Variants in CELF2 observed in about 807,000 individuals in gnomAD.
CELF2 encodes CUG triplet repeat RNA-binding protein 2.
In CELF2, 8 loss-of-function variants were observed where a neutral mutation model predicts 62.6. The ratio of observed to expected loss-of-function variants is 0.13; its 90% CI spans 0.07 to 0.23. The LOEUF is 0.23. CELF2 is among the 10% of genes least tolerant of loss of function. The pLI is 1.00. For synonymous variants in CELF2, 258 were observed against 250.0 expected (o/e 1.03, Z -0.30); for missense variants, 333 against 671.0 (o/e 0.50, Z 5.56).
intron 2 of CELF2, among the ~76,000 whole-genome samples, chr10:11,196,155 A>G (rs1287781584): frequency 6.6e-6 from 1 of 152,146 alleles, no homozygotes; most frequent in African/African-American, 2.4e-5. Context: ...ATCCCTGAAT[A>G]TGTAATTTGG....
At chr10:10,850,063 C>T (rs555032429) in intron 1 of CELF2, among the ~76,000 whole-genome samples, 55 of 152,122 alleles carry the variant, frequency 3.6e-4, no homozygotes, top group East Asian at 1.4e-3. Context: ...CAAGGAATAT[C>T]GCTTGAACCT....
intron 2 of CELF2, among the ~76,000 whole-genome samples, chr10:11,200,876 G>A (rs1417609859): frequency 6.6e-6 from 1 of 152,218 alleles, no homozygotes; most frequent in Non-Finnish European, 1.5e-5. Flanking sequence ...TTTTCCCTCT[G>A]AGCAAATGAA....
chr10:11,253,280 C>T (rs2077682027), intron 4 of CELF2, among the ~76,000 whole-genome samples: 1 of 152,160 alleles, frequency 6.6e-6, no homozygotes, highest in African/African-American at 2.4e-5. Context: ...CGCCTAGAAC[C>T]CAGAAATGTC....
In CELF2 at chr10:11,275,158, A is replaced by G. The variant is rs775882679; in HGVS notation, c.841+38A>G. 7.5e-6 allele frequency: 12 copies of G among 1,604,402 alleles called. No homozygotes were observed. In the South Asian group the frequency reaches 8.8e-5, roughly 12 times the overall value. On this transcript the variant is annotated intron_variant, in intron 8 of 12. Coordinates refer to ENST00000633077, the MANE Select transcript of CELF2 (RefSeq NM_001326342.2). ...GCACGCCTCTCCTTTTGACCGTGCT[A>G]TTGTCAGAATTTGGGGTTGGTTCCG...
At chr10:11,251,151 A>G (rs1430365931) in intron 4 of CELF2, among the ~76,000 whole-genome samples, 2 of 152,250 alleles carry the variant, frequency 1.3e-5, no homozygotes, top group Middle Eastern at 3.4e-3. Context: ...ATGAAGTGAA[A>G]GTCTATGGAA....
chr10:10,625,130 T>C, the CELF2 span, among the ~76,000 whole-genome samples: 56 of 152,036 alleles, frequency 3.7e-4, no homozygotes, highest in African/African-American at 1.3e-3. Flanking sequence ...CTCAGTTTAA[T>C]TAGATAGGAA....
In CELF2 at chr10:11,110,693, G is replaced by A. The variant is rs560575094; in HGVS notation, c.75-54793G>A. Among the ~76,000 whole-genome samples the A allele has an allele frequency of 2.0e-5, 3 of 152,236 alleles. No homozygotes were observed. Among genetic ancestry groups the A allele is most frequent in the Admixed American group, 6.5e-5 (1 of 15,290 alleles). On this transcript the variant is annotated intron_variant, in intron 1 of 12. Transcript: ENST00000633077. This position sits in a 1 kb window ranked among gnomAD's most constrained non-coding sequence, Gnocchi z 4.0. Reference sequence around the variant, plus strand: ...GACGTTGAGAGTGTTCTCATGGGTCGTTGGCATTCTCAGCAGTGCATCAAC... The same window carrying A: ...GACGTTGAGAGTGTTCTCATGGGTCATTGGCATTCTCAGCAGTGCATCAAC...
intron 1 of CELF2, among the ~76,000 whole-genome samples, chr10:11,116,979 G>C (rs747035621): frequency 6.6e-6 from 1 of 152,118 alleles, no homozygotes; most frequent in African/African-American, 2.4e-5. Context: ...TCTTTTTAGC[G>C]ATAAGGAAAC....
chr10:11,218,477 C>A (rs74341064), intron 3 of CELF2, among the ~76,000 whole-genome samples: 8,401 of 152,172 alleles, frequency 0.055, 321 homozygotes, highest in African/African-American at 0.11. Flanking sequence ...CACCACAGGC[C>A]CCCAGAAAAG....
At chr10:11,231,571 G>C (rs2068657775) in intron 3 of CELF2, among the ~76,000 whole-genome samples, 1 of 151,924 alleles carries the variant, frequency 6.6e-6, no homozygotes, top group African/African-American at 2.4e-5. Context: ...AAAAGGACCA[G>C]GGTTCCTGCA....
chr10:11,257,426 G>A (rs1035260507), intron 4 of CELF2: 10 of 203,832 alleles, frequency 4.9e-5, no homozygotes, highest in Admixed American at 2.1e-4. Context: ...AAGTACTTTG[G>A]AATTTTAGTC....
At chr10:11,081,984 G>A (rs935358940) in intron 1 of CELF2, among the ~76,000 whole-genome samples, 3 of 152,112 alleles carry the variant, frequency 2.0e-5, no homozygotes, top group South Asian at 2.1e-4. Context: ...CCTAGTTTTC[G>A]TTCCCTGGAG....
intron 3 of CELF2, among the ~76,000 whole-genome samples, chr10:11,221,411 T>A (rs954844284): frequency 6.6e-6 from 1 of 152,190 alleles, no homozygotes; most frequent in Non-Finnish European, 1.5e-5. Context: ...AATTAAAAAA[T>A]AAAGTAAAAT....
At chr10:11,225,538 T>A (rs909023744) in intron 3 of CELF2, among the ~76,000 whole-genome samples, 2 of 152,210 alleles carry the variant, frequency 1.3e-5, no homozygotes, top group Non-Finnish European at 2.9e-5. Flanking sequence ...TAGACAAACG[T>A]GGATTATTCA....
the CELF2 span, among the ~76,000 whole-genome samples, chr10:10,475,152 T>G: frequency 6.6e-6 from 1 of 152,146 alleles, no homozygotes; most frequent in Non-Finnish European, 1.5e-5. Flanking sequence ...TAGAGCACTT[T>G]TTTTGTGTAC....
the CELF2 span, among the ~76,000 whole-genome samples, chr10:10,691,451 A>G: frequency 2.7e-5 from 4 of 148,094 alleles, no homozygotes; most frequent in African/African-American, 7.5e-5. Flanking sequence ...ATTGTGAATA[A>G]TGCCACAATA....
At chr10:10,753,965 T>G in the CELF2 span, among the ~76,000 whole-genome samples, 1 of 151,984 alleles carries the variant, frequency 6.6e-6, no homozygotes, top group African/African-American at 2.4e-5. Flanking sequence ...AATGCATTGA[T>G]GCAATTAGGT....
intron 2 of CELF2, among the ~76,000 whole-genome samples, chr10:10,987,242 G>C (rs1324454531): frequency 1.4e-5 from 2 of 146,302 alleles, no homozygotes; most frequent in African/African-American, 5.5e-5. Flanking sequence ...CATTGTAACA[G>C]CTCTCTAGAG....
At chr10:10,694,672 C>A in the CELF2 span, among the ~76,000 whole-genome samples, 1 of 151,592 alleles carries the variant, frequency 6.6e-6, no homozygotes, top group Non-Finnish European at 1.5e-5. Context: ...TCACTCAGGA[C>A]TTGCTTTATG....
Sources: gnomAD v4.1 joint callset for allele counts (sites outside exome capture counted in the v4.1 genomes callset) on GRCh38, gnomAD v4.1.1 for gene constraint, Gnocchi (gnomAD v3.1) non-coding constraint, MANE v1.5 for transcripts, NCBI Gene and HGNC (gene_info 2026-07-23, HGNC 2026-07-21) for gene names.